NDST3: variants seen among roughly 807,000 people sequenced by gnomAD.
NDST3 encodes the protein N-deacetylase and N-sulfotransferase 3.
Under a neutral mutation model 96.1 loss-of-function variants are expected in NDST3, and 58 were observed. That is an observed-to-expected ratio of 0.60 (90% CI 0.49 to 0.75). The LOEUF is 0.75. Among genes scored for constraint, NDST3 ranks in the 30% least tolerant of loss-of-function variants. NDST3 has a pLI of 0.00. For missense variants in NDST3, 788 were observed against 1,034.2 expected, an observed-to-expected ratio of 0.76 and a Z score of 3.27; for synonymous variants, 333 against 359.7, an observed-to-expected ratio of 0.93 and a Z score of 0.84.
At chr4:118,033,890 C>G (rs1415133055), upstream of NDST3, 1 of 152,338 alleles carries the variant, frequency 6.6e-6, no homozygotes. Flanking sequence ...AAGGAGGAGC[C>G]CGCGGACGGC....
At chr4:118,114,767 G>T in intron 3 of NDST3, 39 bp from the exon 4 acceptor site, 1 of 1,579,534 alleles carries the variant, frequency 6.3e-7, no homozygotes, top group Non-Finnish European at 8.7e-7. Context: ...ATAGATCAGT[G>T]TAACTGGAAT....
intron 2 of NDST3, among the ~76,000 whole-genome samples, chr4:118,084,940 G>A (rs1236352447): frequency 6.6e-6 from 1 of 152,104 alleles, no homozygotes; most frequent in Non-Finnish European, 1.5e-5. Context: ...CTAACATGGT[G>A]AAACCCCGTC....
intron 2 of NDST3, among the ~76,000 whole-genome samples, chr4:118,090,187 A>G (rs1255286024): frequency 6.6e-6 from 1 of 151,984 alleles, no homozygotes; most frequent in East Asian, 1.9e-4. Context: ...CTATATAACT[A>G]GCACATTCCT....
chr4:118,122,837 C>G (rs2125876301), intron 4 of NDST3, among the ~76,000 whole-genome samples: 1 of 152,262 alleles, frequency 6.6e-6, no homozygotes, highest in Non-Finnish European at 1.5e-5. Context: ...ATTCTCCCAA[C>G]CACCTGTGAG....
chr4:118,209,790 T>C (rs985996258), intron 6 of NDST3, among the ~76,000 whole-genome samples: 21 of 152,310 alleles, frequency 1.4e-4, no homozygotes, highest in African/African-American at 4.8e-4. Flanking sequence ...TCCCAAATTC[T>C]AAATGTTAAG....
chr4:118,180,366 T>C (rs1403845), intron 6 of NDST3, among the ~76,000 whole-genome samples: 27,560 of 152,102 alleles, frequency 0.18, 2,652 homozygotes, highest in South Asian at 0.23. Context: ...ATTTGGTTTT[T>C]TGTTCCTGCA....
At position 118,061,833 on chromosome 4, in the gene NDST3, G is replaced by A. The variant is rs185184202; in HGVS notation, c.981+6942G>A. ...GAATTAAATTTAAAGGAGTTTAATT[G>A]AGCAATGAACAATTCATGAATCAGG... On this transcript the variant is annotated intron_variant, in intron 2 of 13. Coordinates refer to ENST00000296499, the MANE Select transcript of NDST3 (RefSeq NM_004784.3). Among the ~76,000 whole-genome samples, 1,244 of 152,252 alleles carry A rather than the reference G, an allele frequency of 8.2e-3. 8 individuals carry two copies. Among genetic ancestry groups the A allele is most frequent in the Non-Finnish European group, 0.014 (948 of 68,024 alleles).
chr4:118,235,831 C>G (rs1740608470), intron 9 of NDST3, among the ~76,000 whole-genome samples: 2 of 152,160 alleles, frequency 1.3e-5, no homozygotes, highest in South Asian at 4.1e-4. Context: ...TTACATATCA[C>G]CAACAAGCCA....
At chr4:118,225,858 G>T (rs1739840793) in intron 7 of NDST3, among the ~76,000 whole-genome samples, 1 of 152,100 alleles carries the variant, frequency 6.6e-6, no homozygotes, top group African/African-American at 2.4e-5. Context: ...GTTTTAACAA[G>T]CATCTTTTCA....
intron 13 of NDST3, among the ~76,000 whole-genome samples, chr4:118,254,875 C>T (rs1341728264): frequency 5.3e-5 from 8 of 152,062 alleles, no homozygotes; most frequent in Non-Finnish European, 7.4e-5. Flanking sequence ...AAATCATATA[C>T]GGAAGAGAGA....
intron 2 of NDST3, among the ~76,000 whole-genome samples, chr4:118,082,732 C>T (rs1189899894): frequency 1.3e-5 from 2 of 152,102 alleles, no homozygotes; most frequent in African/African-American, 4.8e-5. Context: ...TGTAAGAGTA[C>T]TGTATTAGTC....
At chr4:118,036,181 A>G (rs1724139156) in intron 1 of NDST3, among the ~76,000 whole-genome samples, 1 of 152,152 alleles carries the variant, frequency 6.6e-6, no homozygotes, top group African/African-American at 2.4e-5. Context: ...TTAAAACTGT[A>G]AAGAAATTAC....
At position 118,255,607 on chromosome 4, in the gene NDST3, G is replaced by A. The variant is rs767287871; in HGVS notation, c.2517G>A (p.Leu839=). 7 of 1,612,880 alleles carry A rather than the reference G, an allele frequency of 4.3e-6. No homozygotes were observed. Among genetic ancestry groups the A allele is most frequent in the South Asian group, 3.3e-5 (3 of 90,900 alleles). ...PPMDSDSRTF[L]SSYYRDHNVE... ...TCTCCACTTAGAGCAGGACATTTCT[G>A]TCAAGCTACTATCGAGATCACAACG... The change falls in exon 14 of 14, where the codon CTG becomes CTA. Residue 839 remains leucine, a synonymous_variant. Transcript: ENST00000296499.
At chr4:118,193,541 G>A (rs1310879754) in intron 6 of NDST3, 12 of 994,848 alleles carry the variant, frequency 1.2e-5, no homozygotes, top group Middle Eastern at 3.1e-4. Context: ...CCTCTCAAAC[G>A]TGTTGGCGTA....
intron 2 of NDST3, among the ~76,000 whole-genome samples, chr4:118,103,193 A>G (rs1729901269): frequency 6.6e-6 from 1 of 152,178 alleles, no homozygotes; most frequent in Admixed American, 6.5e-5. Flanking sequence ...AAGAAGGTTC[A>G]TTTTACCAAA....
intron 6 of NDST3, among the ~76,000 whole-genome samples, chr4:118,159,215 A>G (rs1734923294): frequency 6.6e-6 from 1 of 152,252 alleles, no homozygotes; most frequent in African/African-American, 2.4e-5. Flanking sequence ...AAGTGCTGAC[A>G]GGACCCAATA....
intron 2 of NDST3, among the ~76,000 whole-genome samples, chr4:118,060,267 T>G (rs1247971019): frequency 6.6e-6 from 1 of 152,158 alleles, no homozygotes. Flanking sequence ...TAAGTGCACA[T>G]ATTTTGAAAT....
At chr4:118,195,891 A>C (rs1485431420) in intron 6 of NDST3, among the ~76,000 whole-genome samples, 1 of 152,188 alleles carries the variant, frequency 6.6e-6, no homozygotes, top group African/African-American at 2.4e-5. Flanking sequence ...ATGTTGAATA[A>C]CAGTGGTGAA....
intron 12 of NDST3, among the ~76,000 whole-genome samples, chr4:118,248,463 C>T (rs1174147576): frequency 6.6e-6 from 1 of 152,156 alleles, no homozygotes; most frequent in Non-Finnish European, 1.5e-5. Flanking sequence ...TGATATTCCA[C>T]ACAAGCTTTA....
Sources: allele counts gnomAD v4.1 joint callset (sites outside exome capture counted in the v4.1 genomes callset), GRCh38; gene constraint gnomAD v4.1.1; transcripts MANE v1.5; gene names NCBI Gene and HGNC (gene_info 2026-07-23, HGNC 2026-07-21).